The following NLRC5 variants were observed in gnomAD, a reference collection of about 807,000 sequenced individuals.
NLRC5 encodes the protein NLR family CARD domain containing 5, also known as protein NLRC5.
In NLRC5, 114 loss-of-function variants were observed where a neutral mutation model predicts 206.9. The observed-to-expected ratio is 0.55, with a 90% confidence interval of 0.47 to 0.64. The LOEUF (loss-of-function observed/expected upper bound fraction) is 0.64. NLRC5 is among the 30% of genes least tolerant of loss of function. NLRC5 has a pLI of 0.00. For synonymous variants in NLRC5, 952 were observed against 962.8 expected (o/e 0.99, Z 0.21); for missense variants, 2,008 against 2,305.5 (o/e 0.87, Z 2.64).
At position 57,039,555 on chromosome 16, in the gene NLRC5, C is replaced by CTT. The variant is rs11408235; in HGVS notation, c.2802-217_2802-216dup. On this transcript the variant is annotated intron_variant, in intron 15 of 48. Transcript: ENST00000688547. Reference sequence around the variant, plus strand: ...AGACAACATAGACTGTCTCTACATACTTTTTTTTTTAATTAGCTGGGCCTG... The same window carrying CTT: ...AGACAACATAGACTGTCTCTACATACTTTTTTTTTTTTAATTAGCTGGGCCTG... 4.5e-3 allele frequency among the ~76,000 whole-genome samples: 678 copies of CTT among 149,540 alleles called. 2 individuals are homozygous for CTT. The highest frequency in any genetic ancestry group is 0.015 in the African/African-American group (624 of 40,746).
rs774193782 is a variant in NLRC5, at chr16:57,037,178, TCTC to T, written c.2712-14_2712-12del. The T allele has an allele frequency of 3.1e-6, 5 of 1,610,846 alleles. No individual in the cohort carries two copies. The highest frequency in any genetic ancestry group is 1.1e-5 in the South Asian group (1 of 91,038). On this transcript the variant is annotated splice_polypyrimidine_tract_variant and intron_variant, in intron 14 of 48. Transcript: ENST00000688547. The stretch of plus-strand genomic sequence containing the variant: ...CTCAGCCACATGCCAACGGCTGCCT[TCTC>T]CTGCTCTCCACAGCCTCAGTAACAA...
At chr16:56,992,197 C>G (rs1354709398) in intron 1 of NLRC5, 2 of 152,214 alleles carry the variant, frequency 1.3e-5, no homozygotes, top group Non-Finnish European at 2.9e-5. Context: ...ACCTCGATCT[C>G]AGACTCTGAC....
intron 14 of NLRC5, 40 bp downstream of exon 14, chr16:57,036,223 C>T: frequency 1.3e-6 from 2 of 1,588,366 alleles, no homozygotes; most frequent in Non-Finnish European, 1.7e-6. Context: ...AGGGAAGGCC[C>T]TGTAGAGCCC....
chr16:57,032,833 C>A (rs967738299), intron 11 of NLRC5, among the ~76,000 whole-genome samples: 688 of 118,792 alleles, frequency 5.8e-3, no homozygotes, highest in Middle Eastern at 8.8e-3. Flanking sequence ...CCCATCTCTA[C>A]AAAAAAAAAA....
chr16:57,078,469 T>TTG (rs2068703422), intron 43 of NLRC5, among the ~76,000 whole-genome samples: 1 of 127,034 alleles, frequency 7.9e-6, no homozygotes. Flanking sequence ...GGACCTTGTT[T>TTG]TTTTTTTTTT....
chr16:57,027,861 T>C (rs913821456), intron 6 of NLRC5, among the ~76,000 whole-genome samples: 2 of 152,234 alleles, frequency 1.3e-5, no homozygotes, highest in African/African-American at 4.8e-5. Flanking sequence ...CTGGGAAATG[T>C]GATCTCTGGC....
intron 39 of NLRC5, among the ~76,000 whole-genome samples, chr16:57,076,585 T>C (rs1011070126): frequency 3.3e-5 from 5 of 152,158 alleles, no homozygotes; most frequent in Admixed American, 3.3e-4. Context: ...AGTCCCTAAG[T>C]CTCTGGCCAG....
intron 19 of NLRC5, among the ~76,000 whole-genome samples, chr16:57,042,972 T>C (rs1429469603): frequency 4.6e-5 from 7 of 152,160 alleles, no homozygotes; most frequent in African/African-American, 1.7e-4. Flanking sequence ...TTTTAGTATG[T>C]CCTCATGTGA....
chr16:57,030,410 GGCTGAAAA>G lies in NLRC5; in HGVS notation c.2417+328_2417+335del, dbSNP rs1173627929. The stretch of plus-strand genomic sequence containing the variant: ...TGGATGGATGGATGGATGGATGGAT[GGCTGAAAA>G]GATGGATGGGTGGATGAAAAGATGG... On this transcript the variant is annotated intron_variant, in intron 10 of 48. Transcript: ENST00000688547. Among the ~76,000 whole-genome samples, 241 of 101,402 alleles carry G rather than the reference GGCTGAAAA, an allele frequency of 2.4e-3. 6 individuals carry two copies. Among genetic ancestry groups the G allele is most frequent in the African/African-American group, 2.9e-3 (82 of 28,536 alleles). The allele number at this position is 101,402 out of a possible 152,430, so 66.5% of individuals were successfully genotyped here. A position where few individuals can be genotyped will look rare whatever the true frequency, so the allele number is the denominator to read the frequency against.
intron 32 of NLRC5, among the ~76,000 whole-genome samples, chr16:57,062,970 C>T (rs1263862046): frequency 1.3e-5 from 2 of 151,976 alleles, no homozygotes; most frequent in Admixed American, 6.6e-5. Context: ...AATTGGACTG[C>T]TCTAAATAGT....
At chr16:57,067,872 C>G in intron 36 of NLRC5, 44 bp downstream of exon 36, 2 of 1,431,644 alleles carry the variant, frequency 1.4e-6, no homozygotes, top group South Asian at 1.1e-5. Context: ...GCAGCTCTGC[C>G]CTGCCCTGAC....
intron 36 of NLRC5, among the ~76,000 whole-genome samples, chr16:57,068,883 A>T (rs1344859503): frequency 6.6e-6 from 1 of 152,210 alleles, no homozygotes; most frequent in East Asian, 1.9e-4. Context: ...TGACATTTAC[A>T]GGCCAGTTAT....
At chr16:57,018,164 AT>A (rs1486272935) in intron 2 of NLRC5, among the ~76,000 whole-genome samples, 1 of 152,196 alleles carries the variant, frequency 6.6e-6, no homozygotes, top group African/African-American at 2.4e-5. Context: ...GCCCTGGACC[AT>A]TTCTTCATGG....
At chr16:57,024,295 G>A (rs575158939) in intron 5 of NLRC5, among the ~76,000 whole-genome samples, 138 of 152,260 alleles carry the variant, frequency 9.1e-4, no homozygotes, top group South Asian at 1.9e-3. Context: ...AGCTGCTTAG[G>A]GCAGGCCAGG....
chr16:57,068,632 T>C (rs1042637672), intron 36 of NLRC5, among the ~76,000 whole-genome samples: 2 of 152,210 alleles, frequency 1.3e-5, no homozygotes, highest in South Asian at 4.1e-4. Context: ...AAGGACATTC[T>C]CTTCCATAAT....
At chr16:57,007,222 T>C (rs1451125459) in intron 1 of NLRC5, among the ~76,000 whole-genome samples, 1 of 152,176 alleles carries the variant, frequency 6.6e-6, no homozygotes, top group Non-Finnish European at 1.5e-5. Context: ...TTGGTCACTA[T>C]GTATGCAAAT....
Position 57,025,518 on chromosome 16 carries a change from AG to A in NLRC5, c.580del (p.Ala194ProfsTer14). On this transcript the variant is annotated frameshift_variant, in exon 6 of 49. Coordinates refer to ENST00000688547, the MANE Select transcript of NLRC5 (RefSeq NM_001384950.1). LOFTEE classifies it high-confidence loss of function. ...GCCACAGCATCCTTAGACACTCCGG[AG>A]GGGGCCATTATGGGGGACGTCAAGG... ...RRATASLDTPEGAIMGDVKVE... is the reference protein window; with the variant it reads ...RRATASLDTPXGAIMGDVKVE... 6.2e-7 allele frequency: 1 copy of A among 1,613,546 alleles called. No individual in the cohort carries two copies. The highest frequency in any genetic ancestry group is 1.1e-5 in the South Asian group (1 of 91,006).
chr16:57,013,486 G>A, intron 1 of NLRC5: 1 of 744,810 alleles, frequency 1.3e-6, no homozygotes, highest in South Asian at 1.5e-5. Context: ...AGTCATTGAG[G>A]TGAGCACAGA....
chr16:57,033,316 C>T (rs1270959651), intron 11 of NLRC5, among the ~76,000 whole-genome samples: 1 of 152,216 alleles, frequency 6.6e-6, no homozygotes, highest in African/African-American at 2.4e-5. Context: ...ATGTTGTCAT[C>T]CGTTTTAGAA....
Sources: gnomAD v4.1 joint callset for allele counts (sites outside exome capture counted in the v4.1 genomes callset) on GRCh38, gnomAD v4.1.1 for gene constraint, MANE v1.5 for transcripts, NCBI Gene and HGNC (gene_info 2026-07-23, HGNC 2026-07-21) for gene names.